The following BMPER variants were observed in gnomAD, a reference collection of about 807,000 sequenced individuals.
BMPER encodes the protein BMP binding endothelial regulator.
A neutral mutation model predicts 87.3 loss-of-function variants in BMPER; 45 were observed. That is an observed-to-expected ratio of 0.52 (90% CI 0.41 to 0.66). The LOEUF (loss-of-function observed/expected upper bound fraction) is 0.66. BMPER is among the 30% of genes least tolerant of loss of function. The pLI is 0.00. For missense variants in BMPER, 784 were observed against 867.5 expected (o/e 0.90, Z 1.21); for synonymous variants, 326 against 316.2 (o/e 1.03, Z -0.33).
At chr7:33,952,231 T>C (rs1158525848) in intron 3 of BMPER, among the ~76,000 whole-genome samples, 1 of 152,192 alleles carries the variant, frequency 6.6e-6, no homozygotes, top group Non-Finnish European at 1.5e-5. Context: ...TAGCTTTGGG[T>C]TTTCTGCAGC....
rs571264972 is a variant in BMPER at position 33,997,572 on chromosome 7, C to T, written c.576+22788C>T. Among the ~76,000 whole-genome samples, 5 of 152,270 alleles carry T rather than the reference C, an allele frequency of 3.3e-5. No homozygotes were observed. The East Asian group carries it at 9.6e-4, about 29-fold the overall frequency. On this transcript the variant is annotated intron_variant, in intron 6 of 14. Coordinates refer to ENST00000649409, the MANE Select transcript of BMPER (RefSeq NM_001365308.1). ...GCCATGATTGTAGGTTTCCTGAGGCCTCCTCAGCCATGTAGAAGTGTGAGT... is the reference window on the plus strand; with the variant it reads ...GCCATGATTGTAGGTTTCCTGAGGCTTCCTCAGCCATGTAGAAGTGTGAGT...
At chr7:33,937,988 T>C (rs41448344) in intron 3 of BMPER, among the ~76,000 whole-genome samples, 57,750 of 151,964 alleles carry the variant, frequency 0.38, 11,618 homozygotes, top group African/African-American at 0.52. Flanking sequence ...GGCCTTAGTG[T>C]GGGTCTTTTT....
chr7:34,132,778 G>A (rs1790627504), intron 13 of BMPER, among the ~76,000 whole-genome samples: 1 of 152,092 alleles, frequency 6.6e-6, no homozygotes, highest in African/African-American at 2.4e-5. Flanking sequence ...GTACTGTGGA[G>A]ACCCCATCAC....
intron 3 of BMPER, among the ~76,000 whole-genome samples, chr7:33,959,016 C>T (rs1425753142): frequency 6.6e-6 from 1 of 152,158 alleles, no homozygotes; most frequent in African/African-American, 2.4e-5. Context: ...CACGCTCTCT[C>T]TCCTGCCGCC....
In BMPER at chr7:33,979,392, GTTTTCTC is replaced by G. The variant is rs758750283; in HGVS notation, c.576+4613_576+4619del. ...CTGATTCCCCCAAGGAGAAGCAACT[GTTTTCTC>G]TTTTGTATTCCTGATGGCTCCATGG... On this transcript the variant is annotated intron_variant, in intron 6 of 14. Coordinates refer to ENST00000649409, the MANE Select transcript of BMPER (RefSeq NM_001365308.1). Among the ~76,000 whole-genome samples the G allele has an allele frequency of 8.8e-4, 134 of 151,662 alleles. 1 individual carries two copies. Among genetic ancestry groups the G allele is most frequent in the Non-Finnish European group, 6.3e-4 (43 of 67,958 alleles).
At chr7:33,976,327 A>G (rs1249752184) in intron 6 of BMPER, among the ~76,000 whole-genome samples, 1 of 151,552 alleles carries the variant, frequency 6.6e-6, no homozygotes, top group Non-Finnish European at 1.5e-5. Flanking sequence ...TAATTTTTGT[A>G]TTTTTAGTAG....
At chr7:34,055,833 A>G (rs17169637) in intron 9 of BMPER, among the ~76,000 whole-genome samples, 1,913 of 152,316 alleles carry the variant, frequency 0.013, 86 homozygotes, top group East Asian at 0.099. Flanking sequence ...TCTGTTACCA[A>G]TCTCAGGTGT....
chr7:34,100,902 G>C (rs186364969), intron 13 of BMPER, among the ~76,000 whole-genome samples: 1 of 152,218 alleles, frequency 6.6e-6, no homozygotes, highest in South Asian at 2.1e-4. Flanking sequence ...CACACATTCC[G>C]TAATGTCACC....
chr7:33,905,436 T>TCCCCCCCCCCCCCCCCCCCC, upstream of BMPER: 3 of 20,336 alleles, frequency 1.5e-4, no homozygotes, highest in South Asian at 1.0e-3. Flanking sequence ...CACCTTGGTC[T>TCCCCCCCCCCCCCCCCCCCC]CTCCCCCCGC....
At chr7:34,136,159 A>G (rs944671572) in intron 13 of BMPER, among the ~76,000 whole-genome samples, 1 of 152,182 alleles carries the variant, frequency 6.6e-6, no homozygotes, top group Non-Finnish European at 1.5e-5. Flanking sequence ...ACAGAGCAGC[A>G]GGAGCTCCCT....
rs1361711021 is a variant in BMPER, at chr7:34,154,897, AGTCAG to A, written c.*1629_*1633del. ...CACCCTCGTATCTGCAGCCTGAGGT[AGTCAG>A]GTCATTGTTTCAATGCTGCCCTTGG... On this transcript the variant is annotated 3_prime_UTR_variant, in exon 15 of 15. Transcript: ENST00000649409. The A allele has an allele frequency of 6.6e-6, 1 of 151,998 alleles. No homozygotes were observed. The highest frequency in any genetic ancestry group is 2.4e-5 in the African/African-American group (1 of 41,356). 9.4% of individuals were successfully genotyped at this position (151,998 alleles called of 1,614,324 possible).
chr7:33,992,670 C>G (rs1423219994), intron 6 of BMPER, among the ~76,000 whole-genome samples: 2 of 149,170 alleles, frequency 1.3e-5, no homozygotes. Flanking sequence ...ATGACGTTAG[C>G]TGGTTATTTT....
intron 13 of BMPER, among the ~76,000 whole-genome samples, chr7:34,086,810 T>C (rs950842443): frequency 1.3e-5 from 2 of 152,176 alleles, no homozygotes; most frequent in Non-Finnish European, 2.9e-5. Context: ...TGTTTCTGAG[T>C]TGATGAGTTT....
chr7:33,973,578 C>G (rs1465940834), intron 5 of BMPER, among the ~76,000 whole-genome samples: 1 of 152,236 alleles, frequency 6.6e-6, no homozygotes, highest in African/African-American at 2.4e-5. Flanking sequence ...GGATGTAATG[C>G]CCATTCTTCT....
chr7:34,060,875 A>G lies in BMPER; in HGVS notation c.1033-1127A>G, dbSNP rs572465019. On this transcript the variant is annotated intron_variant, in intron 10 of 14. Transcript: ENST00000649409. ...ATGCATAGCACTCAGTCTAGTGTAT[A>G]GCAGATAATAAATATTAAATTATAT... is the stretch of plus-strand genomic sequence containing the variant. 3.9e-5 allele frequency among the ~76,000 whole-genome samples: 6 copies of G among 152,364 alleles called. No homozygotes were observed. In the South Asian group the frequency reaches 1.2e-3, roughly 32 times the overall value.
At chr7:34,042,485 TTTACATGCTGAAA>T (rs1196091707) in intron 6 of BMPER, among the ~76,000 whole-genome samples, 1 of 152,194 alleles carries the variant, frequency 6.6e-6, no homozygotes, top group Non-Finnish European at 1.5e-5. Context: ...TCCTACCAGC[TTTACATGCTGAAA>T]TTGAATTTTC....
chr7:33,932,685 A>T (rs1475540858), intron 2 of BMPER, among the ~76,000 whole-genome samples: 1 of 152,176 alleles, frequency 6.6e-6, no homozygotes, highest in Admixed American at 6.6e-5. Context: ...CACTACCCTC[A>T]TCATATTAGC....
intron 6 of BMPER, among the ~76,000 whole-genome samples, chr7:33,979,763 C>T (rs1056958957): frequency 2.0e-5 from 3 of 152,184 alleles, no homozygotes; most frequent in Non-Finnish European, 4.4e-5. Flanking sequence ...GCAAACTCTT[C>T]GTGGTGTCCC....
chr7:33,917,503 G>A (rs1057499882), intron 2 of BMPER, among the ~76,000 whole-genome samples: 3 of 151,874 alleles, frequency 2.0e-5, no homozygotes, highest in Admixed American at 6.6e-5. Context: ...ATAAGGTTTC[G>A]TGCAGGTAAC....
Sources: gnomAD v4.1 joint callset for allele counts (sites outside exome capture counted in the v4.1 genomes callset) on GRCh38, gnomAD v4.1.1 for gene constraint, MANE v1.5 for transcripts, NCBI Gene and HGNC (gene_info 2026-07-23, HGNC 2026-07-21) for gene names.